XKR4: variants seen among roughly 807,000 people sequenced by gnomAD.
XKR4 encodes the protein XK-related protein 4.
Under a neutral mutation model 53.9 loss-of-function variants are expected in XKR4, and 12 were observed. The ratio of observed to expected loss-of-function variants is 0.22; its 90% CI spans 0.14 to 0.36. XKR4 has a LOEUF of 0.36. XKR4 is among the 10% of genes least tolerant of loss of function. The pLI, the probability that XKR4 is intolerant of heterozygous loss-of-function variation, is 1.00. For synonymous variants in XKR4, 354 were observed against 362.4 expected, an observed-to-expected ratio of 0.98 and a Z score of 0.26; for missense variants, 799 against 859.5, an observed-to-expected ratio of 0.93 and a Z score of 0.88.
rs1456460082 is a variant in XKR4, at chr8:55,484,553, T to C, written c.1007-38728T>C. Reference sequence around the variant, plus strand: ...ATCAATGTAATCCACCTGATTAACATGCCAAAGAAGAAAAATTACATGACA... The same window carrying C: ...ATCAATGTAATCCACCTGATTAACACGCCAAAGAAGAAAAATTACATGACA... On this transcript the variant is annotated intron_variant, in intron 2 of 2. Transcript: ENST00000327381. Among the ~76,000 whole-genome samples the C allele has an allele frequency of 2.6e-5, 4 of 152,202 alleles. No individual in the cohort carries two copies. In the East Asian group the frequency reaches 7.7e-4, roughly 29 times the overall value.
intron 1 of XKR4, among the ~76,000 whole-genome samples, chr8:55,220,032 A>G (rs1401518006): frequency 6.6e-6 from 1 of 152,152 alleles, no homozygotes; most frequent in African/African-American, 2.4e-5. Context: ...AATATATTGT[A>G]TGTTTCAAAA....
intron 2 of XKR4, among the ~76,000 whole-genome samples, chr8:55,446,444 T>G (rs1805347711): frequency 6.6e-6 from 1 of 152,056 alleles, no homozygotes; most frequent in Non-Finnish European, 1.5e-5. Context: ...AGGGTTCAAG[T>G]GATTCTCCAG....
chr8:55,482,387 G>A (rs1414773144), intron 2 of XKR4, among the ~76,000 whole-genome samples: 2 of 152,004 alleles, frequency 1.3e-5, no homozygotes, highest in Non-Finnish European at 2.9e-5. Flanking sequence ...CACACTCTGG[G>A]GACTGTTATG....
intron 1 of XKR4, among the ~76,000 whole-genome samples, chr8:55,254,943 C>T (rs1191573556): frequency 1.3e-5 from 2 of 152,190 alleles, no homozygotes; most frequent in Non-Finnish European, 2.9e-5. Flanking sequence ...TCCCTGTTAG[C>T]GGATGTCATG....
intron 2 of XKR4, among the ~76,000 whole-genome samples, chr8:55,434,938 C>T (rs2658917): frequency 0.32 from 49,126 of 152,050 alleles, 8,075 homozygotes; most frequent in African/African-American, 0.37. Flanking sequence ...CATCATGCAA[C>T]TCCTTACTCC....
intron 1 of XKR4, among the ~76,000 whole-genome samples, chr8:55,224,907 TA>T (rs1400119356): frequency 3.4e-4 from 52 of 152,324 alleles, no homozygotes; most frequent in Admixed American, 3.0e-3. Flanking sequence ...TCAGAAGCAC[TA>T]AAGGGGTTAA....
At chr8:55,234,267 C>G (rs1818089420) in intron 1 of XKR4, among the ~76,000 whole-genome samples, 1 of 152,126 alleles carries the variant, frequency 6.6e-6, no homozygotes, top group Non-Finnish European at 1.5e-5. Flanking sequence ...AGAAATTGTT[C>G]CTTTTGTACT....
intron 2 of XKR4, among the ~76,000 whole-genome samples, chr8:55,467,850 AC>A (rs1189522913): frequency 6.6e-6 from 1 of 152,118 alleles, no homozygotes; most frequent in East Asian, 1.9e-4. Context: ...ATTATCTGTT[AC>A]TTGTTTTTTA....
intron 1 of XKR4, among the ~76,000 whole-genome samples, chr8:55,151,879 A>G (rs887331970): frequency 1.3e-5 from 2 of 152,202 alleles, no homozygotes; most frequent in Non-Finnish European, 2.9e-5. Context: ...TGACCAATTT[A>G]GCCATTTCCC....
intron 2 of XKR4, among the ~76,000 whole-genome samples, chr8:55,423,329 G>T (rs981654358): frequency 4.6e-5 from 7 of 152,006 alleles, no homozygotes; most frequent in African/African-American, 7.2e-5. Context: ...TCCTGACCTC[G>T]GGTGATCCAC....
intron 1 of XKR4, among the ~76,000 whole-genome samples, chr8:55,296,569 A>G (rs1004367047): frequency 1.1e-4 from 16 of 152,168 alleles, no homozygotes; most frequent in African/African-American, 3.6e-4. Context: ...CAGATACCAC[A>G]CAGAAACCAA....
intron 1 of XKR4, among the ~76,000 whole-genome samples, chr8:55,221,206 T>G (rs1817876772): frequency 6.6e-6 from 1 of 152,234 alleles, no homozygotes; most frequent in Admixed American, 6.5e-5. Flanking sequence ...TTTTATTGCC[T>G]GTCAACCTAT....
chr8:55,391,552 T>C (rs897563371), intron 2 of XKR4, among the ~76,000 whole-genome samples: 1 of 151,906 alleles, frequency 6.6e-6, no homozygotes. Context: ...TGAAGAAAAA[T>C]ACACATACAC....
At chr8:55,460,505 C>G (rs1805638319) in intron 2 of XKR4, among the ~76,000 whole-genome samples, 1 of 152,102 alleles carries the variant, frequency 6.6e-6, no homozygotes, top group Non-Finnish European at 1.5e-5. Context: ...GAGGGTGGAG[C>G]CAAGATGGCT....
chr8:55,245,601 G>A (rs1437237850), intron 1 of XKR4, among the ~76,000 whole-genome samples: 1 of 152,030 alleles, frequency 6.6e-6, no homozygotes, highest in African/African-American at 2.4e-5. Context: ...TCTCTACTTG[G>A]ATGTCAAACT....
rs1807045442 is a variant in XKR4 at position 55,537,441 on chromosome 8, G to A, written c.*13214G>A. 1 of 152,198 alleles carries A rather than the reference G, an allele frequency of 6.6e-6. No individual in the cohort carries two copies. The highest frequency in any genetic ancestry group is 2.4e-5 in the African/African-American group (1 of 41,432). The allele number at this position is 152,198 out of a possible 1,614,324, so 9.4% of individuals were successfully genotyped here. ...GCCTCATTTATGGTCCTGAAGCTTA[G>A]CAGAAAAACAGACAAGCTATTCAGA... On this transcript the variant is annotated 3_prime_UTR_variant, in exon 3 of 3. Transcript: ENST00000327381.
intron 2 of XKR4, among the ~76,000 whole-genome samples, chr8:55,378,506 A>T (rs1804182551): frequency 6.6e-6 from 1 of 152,226 alleles, no homozygotes; most frequent in South Asian, 2.1e-4. Context: ...GCTATGGAGA[A>T]AAACAAGAGT....
At chr8:55,468,464 T>G (rs1393003766) in intron 2 of XKR4, among the ~76,000 whole-genome samples, 3 of 152,102 alleles carry the variant, frequency 2.0e-5, no homozygotes, top group Non-Finnish European at 4.4e-5. Flanking sequence ...TAATTTTTTT[T>G]CTTAATATGG....
chr8:55,452,538 A>G, intron 2 of XKR4: 1 of 684,516 alleles, frequency 1.5e-6, no homozygotes, highest in Middle Eastern at 2.4e-4. Context: ...CAGCCTCAAT[A>G]GCTTGGGTTT....
Sources: gnomAD v4.1 joint callset for allele counts (sites outside exome capture counted in the v4.1 genomes callset) on GRCh38, gnomAD v4.1.1 for gene constraint, MANE v1.5 for transcripts, NCBI Gene and HGNC (gene_info 2026-07-23, HGNC 2026-07-21) for gene names.